The following PTPRM variants were observed in gnomAD, a reference collection of about 807,000 sequenced individuals.
The protein encoded by PTPRM is receptor-type tyrosine-protein phosphatase mu.
In PTPRM, 47 loss-of-function variants were observed where a neutral mutation model predicts 186.7. The observed-to-expected ratio is 0.25, with a 90% CI of 0.20 to 0.32. The LOEUF is 0.32. PTPRM is among the 10% of genes least tolerant of loss of function. The pLI, the probability that PTPRM is intolerant of heterozygous loss-of-function variation, is 1.00. For synonymous variants in PTPRM, 668 were observed against 674.9 expected (o/e 0.99, Z 0.16); for missense variants, 1,494 against 1,865.0 (o/e 0.80, Z 3.66).
chr18:7,797,458 C>T (rs2043720767), intron 2 of PTPRM, among the ~76,000 whole-genome samples: 1 of 152,206 alleles, frequency 6.6e-6, no homozygotes, highest in Non-Finnish European at 1.5e-5. Flanking sequence ...TCAGAGTAGC[C>T]TCATCTCTGA....
At chr18:7,950,605 A>C (rs1321503992) in intron 6 of PTPRM, among the ~76,000 whole-genome samples, 1 of 152,174 alleles carries the variant, frequency 6.6e-6, no homozygotes, top group Non-Finnish European at 1.5e-5. Context: ...TATCTACCTT[A>C]CAGGGCCATG....
intron 2 of PTPRM, among the ~76,000 whole-genome samples, chr18:7,796,739 C>T (rs1024374763): frequency 3.9e-5 from 6 of 152,198 alleles, no homozygotes; most frequent in African/African-American, 7.2e-5. Flanking sequence ...ACACCCGTAT[C>T]GCCATAACAC....
intron 14 of PTPRM, among the ~76,000 whole-genome samples, chr18:8,235,539 AT>A (rs1265449474): frequency 8.1e-6 from 1 of 123,998 alleles, no homozygotes; most frequent in South Asian, 2.5e-4. Context: ...AGTTTTGTTA[AT>A]TTTTTTCTAT....
intron 1 of PTPRM, among the ~76,000 whole-genome samples, chr18:7,645,010 C>A (rs1015765708): frequency 2.0e-5 from 3 of 152,102 alleles, no homozygotes; most frequent in Non-Finnish European, 2.9e-5. Context: ...TCATAGATTT[C>A]ATTTCAGTTA....
intron 1 of PTPRM, among the ~76,000 whole-genome samples, chr18:7,732,763 C>T (rs1385759995): frequency 1.3e-5 from 2 of 152,104 alleles, no homozygotes; most frequent in Non-Finnish European, 2.9e-5. Context: ...CCTTGGCTTC[C>T]AAAAACGCTG....
chr18:8,293,355 G>A (rs2095061307), intron 19 of PTPRM, among the ~76,000 whole-genome samples: 1 of 152,224 alleles, frequency 6.6e-6, no homozygotes, highest in African/African-American at 2.4e-5. Flanking sequence ...TGTGATGTGA[G>A]CATCATTCCC....
chr18:7,694,231 G>A (rs2144664343), intron 1 of PTPRM, among the ~76,000 whole-genome samples: 1 of 152,274 alleles, frequency 6.6e-6, no homozygotes, highest in South Asian at 2.1e-4. Context: ...GAGGAGGGGA[G>A]TGTGTTAGTC....
chr18:8,358,249 G>GCACACACACACACA lies in PTPRM; in HGVS notation c.3055-12628_3055-12615dup, dbSNP rs144869213. ...CTTCCCAAATGTATGCACATGACAC[G>GCACACACACACACA]CACACACACACACACACACACACAC... On this transcript the variant is annotated intron_variant, in intron 23 of 32. Transcript: ENST00000580170. 3.3e-4 allele frequency among the ~76,000 whole-genome samples: 49 copies of GCACACACACACACA among 147,654 alleles called. No individual in the cohort carries two copies. The East Asian group carries it at 4.3e-3, about 13-fold the overall frequency.
chr18:8,320,982 G>C (rs1280241731), intron 22 of PTPRM, among the ~76,000 whole-genome samples: 1 of 152,148 alleles, frequency 6.6e-6, no homozygotes, highest in Non-Finnish European at 1.5e-5. Flanking sequence ...GATAGAACAA[G>C]GATGCATGTC....
At chr18:7,764,339 G>C (rs1255117669) in intron 1 of PTPRM, among the ~76,000 whole-genome samples, 1 of 152,098 alleles carries the variant, frequency 6.6e-6, no homozygotes, top group Non-Finnish European at 1.5e-5. Context: ...TGCATATGTA[G>C]AGCACTACAT....
At chr18:8,117,562 C>T (rs938738166) in intron 13 of PTPRM, among the ~76,000 whole-genome samples, 4 of 152,154 alleles carry the variant, frequency 2.6e-5, no homozygotes, top group Non-Finnish European at 5.9e-5. Flanking sequence ...TTTTGACACT[C>T]ATCATCTTAA....
At chr18:8,249,038 G>A (rs76635434) in intron 17 of PTPRM, among the ~76,000 whole-genome samples, 1,934 of 152,210 alleles carry the variant, frequency 0.013, 25 homozygotes, top group Admixed American at 0.019. Flanking sequence ...AGTGTATCAC[G>A]GCTGTGTTCT....
chr18:7,588,722 G>A (rs956962607), intron 1 of PTPRM, among the ~76,000 whole-genome samples: 4 of 152,178 alleles, frequency 2.6e-5, no homozygotes, highest in African/African-American at 9.7e-5. Context: ...ATTTACCAGT[G>A]TCATCTTTGC....
At chr18:8,344,422 A>G (rs11876724) in intron 23 of PTPRM, among the ~76,000 whole-genome samples, 43,469 of 96,322 alleles carry the variant, frequency 0.45, 7,364 homozygotes, top group Middle Eastern at 0.6. Flanking sequence ...TAAGTAGGAG[A>G]TATATATATG....
intron 1 of PTPRM, among the ~76,000 whole-genome samples, chr18:7,578,089 G>A (rs1337452528): frequency 6.6e-6 from 1 of 152,086 alleles, no homozygotes; most frequent in Non-Finnish European, 1.5e-5. Flanking sequence ...CCTCTAAGTA[G>A]CCATGAGACC....
At chr18:8,161,746 A>G (rs1296058901) in intron 14 of PTPRM, among the ~76,000 whole-genome samples, 1 of 152,144 alleles carries the variant, frequency 6.6e-6, no homozygotes, top group Non-Finnish European at 1.5e-5. Context: ...ACAACGGATC[A>G]TTTCCTGGTC....
chr18:7,979,351 A>T (rs1308205447), intron 7 of PTPRM, among the ~76,000 whole-genome samples: 1 of 152,212 alleles, frequency 6.6e-6, no homozygotes, highest in East Asian at 1.9e-4. Context: ...GGGAGGCAGA[A>T]ATTACAATAG....
chr18:8,339,135 C>T (rs545453600), intron 22 of PTPRM, among the ~76,000 whole-genome samples: 1 of 151,648 alleles, frequency 6.6e-6, no homozygotes, highest in East Asian at 2.0e-4. Context: ...GAATGTCTTT[C>T]ATTAATGCTT....
rs974961325 is a variant in PTPRM at position 8,152,379 on chromosome 18, A to G, written c.2300+8600A>G. 2.0e-5 allele frequency among the ~76,000 whole-genome samples: 3 copies of G among 152,124 alleles called. No individual in the cohort carries two copies. The South Asian group carries it at 6.2e-4, about 32-fold the overall frequency. On this transcript the variant is annotated intron_variant, in intron 14 of 32. Transcript: ENST00000580170. ...CGAGTTAATATTCCAGTATAGATAC[A>G]TGCATCTACTCCTTTTCTGAGTCTC...
Sources: gnomAD v4.1 joint callset for allele counts (sites outside exome capture counted in the v4.1 genomes callset) on GRCh38, gnomAD v4.1.1 for gene constraint, MANE v1.5 for transcripts, NCBI Gene and HGNC (gene_info 2026-07-23, HGNC 2026-07-21) for gene names.